The following TRPC6 variants were observed in gnomAD, a reference collection of about 807,000 sequenced individuals.
TRPC6 encodes the protein transient receptor potential cation channel subfamily C member 6.
Under a neutral mutation model 90.7 loss-of-function variants are expected in TRPC6, and 55 were observed. The ratio of observed to expected loss-of-function variants is 0.61; its 90% confidence interval spans 0.49 to 0.76. TRPC6 has a LOEUF of 0.76. Among genes scored for constraint, TRPC6 ranks in the 30% least tolerant of loss-of-function variants. The pLI is 0.00. For missense variants in TRPC6, 989 were observed against 1,122.7 expected (o/e 0.88, Z 1.70); for synonymous variants, 393 against 393.0 (o/e 1.00, Z 0.00).
In TRPC6 at chr11:101,455,095, G is replaced by A. The variant is rs145480038; in HGVS notation, c.2491C>T (p.His831Tyr). The A allele has an allele frequency of 8.1e-6, 13 of 1,611,284 alleles. No homozygotes were observed. The highest frequency in any genetic ancestry group is 5.4e-5 in the African/African-American group (4 of 74,728). ...CTCCTTATACTTGGTTGTTTATTGT[G>A]CCCAACCTGTAATTTGAAAAGATTT... ...KLSLDKKQVG[H>Y]NKQPSIRSSE... is the part of the protein sequence containing the mutation. The change falls in exon 11 of 13, where the codon CAC becomes TAC. Residue 831 changes from histidine (H) to tyrosine (Y), a missense_variant. Physicochemically the swap from His to Tyr is moderately conservative, Grantham distance 83 (BLOSUM62 2). This residue lies in a region of TRPC6 where 191 missense variants were observed against 196.7 expected (regional missense o/e 0.97). Transcript: ENST00000344327.
chr11:101,491,392 C>T lies in TRPC6; in HGVS notation c.1128+164G>A, dbSNP rs1169220679. 6 of 808,804 alleles carry T rather than the reference C, an allele frequency of 7.4e-6. No homozygotes were observed. The East Asian group carries it at 1.3e-4, about 18-fold the overall frequency. 50.1% of individuals were successfully genotyped at this position (808,804 alleles called of 1,614,324 possible). A position where few individuals can be genotyped will look rare whatever the true frequency, so the allele number is the denominator to read the frequency against. On this transcript the variant is annotated intron_variant, in intron 3 of 12. Transcript: ENST00000344327. ...GAGCTTGCAGTGAGCCGAGATCGCA[C>T]CACTGCACTCCAGACTGGGCGACAG... is the stretch of plus-strand genomic sequence containing the variant.
intron 1 of TRPC6, among the ~76,000 whole-genome samples, chr11:101,576,677 T>A (rs865868723): frequency 6.6e-6 from 1 of 152,222 alleles, no homozygotes; most frequent in South Asian, 2.1e-4. Context: ...GCATTTTTTA[T>A]GAAAGAGGGA....
In TRPC6 at chr11:101,471,373, A is replaced by C; in HGVS notation, c.2219T>G (p.Val740Gly). The C allele has an allele frequency of 6.8e-6, 11 of 1,613,894 alleles. No homozygotes were observed. The highest frequency in any genetic ancestry group is 8.5e-6 in the Non-Finnish European group (10 of 1,179,834). ...TTTGGCCCTTGCAAATTTCCACTCC[A>C]CATCAGCGTCATCCTATACAAATAC... Reference protein sequence around the residue: ...SFQEIEDDADVEWKFARAKLW... With the variant: ...SFQEIEDDADGEWKFARAKLW... Residue 740 changes from valine (V) to glycine (G), a missense_variant, in exon 9 of 13, where the codon GTG becomes GGG. By Grantham distance (109) the Val-to-Gly change is moderately radical. This residue lies in a region of TRPC6 where 118 missense variants were observed against 197.6 expected (regional missense o/e 0.60). Transcript: ENST00000344327.
chr11:101,529,241 T>A (rs1379609703), intron 1 of TRPC6, among the ~76,000 whole-genome samples: 4 of 152,060 alleles, frequency 2.6e-5, no homozygotes, highest in East Asian at 1.9e-4. Context: ...CTCCTGAGGA[T>A]GGGAGTAGGA....
intron 10 of TRPC6, 131 bp downstream of exon 10, chr11:101,469,296 T>C: frequency 3.1e-6 from 2 of 645,178 alleles, no homozygotes; most frequent in South Asian, 3.4e-5. Context: ...TGTTGAGATT[T>C]GTTAAAATAG....
chr11:101,578,692 T>G (rs887608084), intron 1 of TRPC6, among the ~76,000 whole-genome samples: 1 of 152,164 alleles, frequency 6.6e-6, no homozygotes, highest in Non-Finnish European at 1.5e-5. Flanking sequence ...AAGTCACCTT[T>G]TAAAAATATT....
In TRPC6 at chr11:101,504,358, T is replaced by G; in HGVS notation, c.611A>C (p.Asp204Ala). 1 of 1,614,086 alleles carries G rather than the reference T, an allele frequency of 6.2e-7. No homozygotes were observed. The highest frequency in any genetic ancestry group is 8.5e-7 in the Non-Finnish European group (1 of 1,179,982). The change falls in exon 2 of 13, where the codon GAT becomes GCT. Residue 204 changes from aspartate to alanine, a missense_variant. By Grantham distance (126) the Asp-to-Ala change is moderately radical. This residue lies in a region of TRPC6 where 486 missense variants were observed against 591.9 expected (regional missense o/e 0.82). Coordinates refer to ENST00000344327, the MANE Select transcript of TRPC6 (RefSeq NM_004621.6). Reference protein sequence around the residue: ...TSPSQSELQQDDFYAYDEDGT... With the variant: ...TSPSQSELQQADFYAYDEDGT... ...ATCTTCATCATAGGCATAAAAATCA[T>G]CTTGCTGGAGTTCAGACTGGCTAGG...
At chr11:101,553,789 T>G (rs1861502837) in intron 1 of TRPC6, among the ~76,000 whole-genome samples, 1 of 152,124 alleles carries the variant, frequency 6.6e-6, no homozygotes, top group Admixed American at 6.6e-5. Flanking sequence ...GAAGAGTAAG[T>G]GCACTCATAC....
intron 6 of TRPC6, among the ~76,000 whole-genome samples, chr11:101,474,867 T>C (rs1056492623): frequency 1.3e-5 from 2 of 152,198 alleles, no homozygotes; most frequent in African/African-American, 4.8e-5. Context: ...GAATGACTTA[T>C]CTGATTGCTA....
At chr11:101,566,672 A>G (rs139014473) in intron 1 of TRPC6, among the ~76,000 whole-genome samples, 367 of 152,232 alleles carry the variant, frequency 2.4e-3, no homozygotes, top group African/African-American at 8.3e-3. Flanking sequence ...TGCATTTCCA[A>G]TGAGGTACCC....
At chr11:101,511,584 C>T (rs1230237784) in intron 1 of TRPC6, among the ~76,000 whole-genome samples, 3 of 152,050 alleles carry the variant, frequency 2.0e-5, no homozygotes, top group African/African-American at 7.3e-5. Context: ...ATTTTATATT[C>T]ATTTCAAATA....
chr11:101,471,447 T>C, intron 8 of TRPC6, 61 bp from the exon 9 acceptor site: 2 of 1,564,132 alleles, frequency 1.3e-6, no homozygotes, highest in Non-Finnish European at 1.8e-6. Context: ...CTGGGATGCT[T>C]TTAACATTGT....
At chr11:101,471,432 AAT>A in intron 8 of TRPC6, 46 bp from the exon 9 acceptor site, 2 of 1,592,450 alleles carry the variant, frequency 1.3e-6, no homozygotes, top group Non-Finnish European at 1.7e-6. Flanking sequence ...GCATAAACAG[AAT>A]TACTGGGATG....
At position 101,576,923 on chromosome 11, in the gene TRPC6, A is replaced by G. The variant is rs555978168; in HGVS notation, c.170+6411T>C. Among the ~76,000 whole-genome samples the G allele has an allele frequency of 4.7e-4, 71 of 152,312 alleles. 1 individual carries two copies. Among genetic ancestry groups the G allele is most frequent in the African/African-American group, 1.6e-3 (65 of 41,568 alleles). ...AATGCTGGCACCCTAAAAATGCTTC[A>G]CGATAATAATATGTTACCAGTAGAG... On this transcript the variant is annotated intron_variant, in intron 1 of 12. Transcript: ENST00000344327.
intron 1 of TRPC6, among the ~76,000 whole-genome samples, chr11:101,527,841 A>G (rs1004454769): frequency 2.6e-5 from 4 of 152,150 alleles, no homozygotes; most frequent in Non-Finnish European, 5.9e-5. Context: ...TGGGAGGCCA[A>G]GGTGGGCGAA....
At position 101,558,216 on chromosome 11, in the gene TRPC6, T is replaced by TAC. The variant is rs1408373642; in HGVS notation, c.170+25117_170+25118insGT. On this transcript the variant is annotated intron_variant, in intron 1 of 12. Transcript: ENST00000344327. ...ATATATATGTGTGTGTATACATGTA[T>TAC]ATATGTATACATGTATATGGGTATA... 5.5e-4 allele frequency among the ~76,000 whole-genome samples: 66 copies of TAC among 119,066 alleles called. 2 individuals are homozygous for TAC. The highest frequency in any genetic ancestry group is 9.7e-4 in the African/African-American group (30 of 31,042). 78.1% of individuals were successfully genotyped at this position (119,066 alleles called of 152,430 possible).
intron 1 of TRPC6, among the ~76,000 whole-genome samples, chr11:101,581,061 T>C (rs1344640169): frequency 1.3e-5 from 2 of 152,218 alleles, no homozygotes; most frequent in Non-Finnish European, 2.9e-5. Flanking sequence ...TTGGAAATAA[T>C]AGATTCATAT....
chr11:101,484,569 T>G (rs1859628505), intron 4 of TRPC6, among the ~76,000 whole-genome samples: 1 of 124,830 alleles, frequency 8.0e-6, no homozygotes, highest in Non-Finnish European at 1.6e-5. Context: ...GGAGATATTG[T>G]ATTGTATCTC....
At chr11:101,454,008 T>C (rs896405037) in intron 11 of TRPC6, among the ~76,000 whole-genome samples, 1 of 152,182 alleles carries the variant, frequency 6.6e-6, no homozygotes, top group African/African-American at 2.4e-5. Flanking sequence ...GTATTTTATT[T>C]GAAAAGTATT....
Sources: allele counts gnomAD v4.1 joint callset (sites outside exome capture counted in the v4.1 genomes callset), GRCh38; gene constraint gnomAD v4.1.1; regional missense constraint gnomAD v4.1.1; transcripts MANE v1.5; gene names NCBI Gene and HGNC (gene_info 2026-07-23, HGNC 2026-07-21).